Variants in PTPN3 observed in about 807,000 individuals in gnomAD.
PTPN3 encodes tyrosine-protein phosphatase non-receptor type 3.
PTPN3 carries 96 observed loss-of-function variants against 132.7 expected under a neutral mutation model. That is an observed-to-expected ratio of 0.72 (90% CI 0.61 to 0.86). The LOEUF (loss-of-function observed/expected upper bound fraction) is 0.86, where lower values mean the gene tolerates loss of function less well. PTPN3 is among the 40% of genes least tolerant of loss of function. PTPN3 has a pLI of 0.00. For synonymous variants in PTPN3, 398 were observed against 429.0 expected, an observed-to-expected ratio of 0.93 and a Z score of 0.89; for missense variants, 1,125 against 1,159.6, an observed-to-expected ratio of 0.97 and a Z score of 0.43.
chr9:109,391,878 G>GA (rs11370244), intron 19 of PTPN3, among the ~76,000 whole-genome samples: 2 of 99,444 alleles, frequency 2.0e-5, no homozygotes, highest in Admixed American at 1.1e-4. Flanking sequence ...TGTGGGGGGG[G>GA]GGGGGAAGAA....
intron 1 of PTPN3, among the ~76,000 whole-genome samples, chr9:109,486,360 A>T (rs1166590941): frequency 6.6e-6 from 1 of 152,184 alleles, no homozygotes. Flanking sequence ...AGCTATGTGA[A>T]GGAGGTACAG....
chr9:109,394,786 G>A (rs1226131654), intron 19 of PTPN3, among the ~76,000 whole-genome samples: 1 of 152,122 alleles, frequency 6.6e-6, no homozygotes, highest in Non-Finnish European at 1.5e-5. Context: ...TATCTGCAAT[G>A]AGCACTGGAA....
At chr9:109,417,253 C>T (rs779600526) in intron 14 of PTPN3, among the ~76,000 whole-genome samples, 81 of 152,354 alleles carry the variant, frequency 5.3e-4, no homozygotes, top group Non-Finnish European at 8.4e-4. Context: ...GTGACTCATC[C>T]GCTAAGATGG....
intron 12 of PTPN3, 27 bp downstream of exon 12, chr9:109,426,923 T>C: frequency 6.3e-7 from 1 of 1,581,818 alleles, no homozygotes; most frequent in African/African-American, 1.3e-5. Flanking sequence ...CAGCCTAGTG[T>C]GGACACAGTC....
At chr9:109,443,922 G>T (rs1844667904) in intron 7 of PTPN3, among the ~76,000 whole-genome samples, 1 of 152,166 alleles carries the variant, frequency 6.6e-6, no homozygotes, top group Non-Finnish European at 1.5e-5. Context: ...GTTCCATGCA[G>T]GTGGGTGGGT....
At position 109,467,438 on chromosome 9, in the gene PTPN3, G is replaced by T. The variant is rs143512947; in HGVS notation, c.-17-3987C>A. On this transcript the variant is annotated intron_variant, in intron 1 of 25. Coordinates refer to ENST00000374541, the MANE Select transcript of PTPN3 (RefSeq NM_002829.4). ...CACATTCCCTTTGGGAGCCCTCAAA[G>T]TAACAGCCAGGAAGACGAGGACTAA... Among the ~76,000 whole-genome samples the T allele has an allele frequency of 7.2e-5, 11 of 152,264 alleles. No individual in the cohort carries two copies. In the East Asian group the frequency reaches 2.1e-3, roughly 29 times the overall value.
At chr9:109,433,292 C>A in intron 9 of PTPN3, 131 bp from the exon 10 acceptor site, 1 of 1,378,520 alleles carries the variant, frequency 7.3e-7, no homozygotes, top group Non-Finnish European at 9.5e-7. Flanking sequence ...CTACTGAAAA[C>A]AGGCAAAAAG....
intron 6 of PTPN3, among the ~76,000 whole-genome samples, chr9:109,448,363 C>T (rs1318220261): frequency 1.3e-5 from 2 of 152,168 alleles, no homozygotes; most frequent in African/African-American, 4.8e-5. Flanking sequence ...TCCCTTCTAG[C>T]TACTGAGATG....
intron 12 of PTPN3, among the ~76,000 whole-genome samples, chr9:109,423,794 C>T (rs1843048980): frequency 6.6e-6 from 1 of 152,172 alleles, no homozygotes; most frequent in African/African-American, 2.4e-5. Context: ...AACTTTGGTT[C>T]TGGCATCTCT....
intron 14 of PTPN3, among the ~76,000 whole-genome samples, chr9:109,419,402 T>A (rs1452143763): frequency 6.6e-6 from 1 of 152,228 alleles, no homozygotes; most frequent in Non-Finnish European, 1.5e-5. Context: ...TGCTTGCTAA[T>A]CCTCAGCTGT....
At chr9:109,416,005 G>C (rs1355063973) in intron 14 of PTPN3, among the ~76,000 whole-genome samples, 2 of 152,212 alleles carry the variant, frequency 1.3e-5, no homozygotes, top group African/African-American at 2.4e-5. Flanking sequence ...TGTCCTCCGA[G>C]GGGGACATGT....
At chr9:109,379,899 CG>C (rs1838888255) in intron 25 of PTPN3, among the ~76,000 whole-genome samples, 2 of 152,228 alleles carry the variant, frequency 1.3e-5, no homozygotes, top group African/African-American at 4.8e-5. Context: ...AAAGTCCCTG[CG>C]GGACAGCCCT....
chr9:109,435,307 C>G (rs1229837942), intron 9 of PTPN3, among the ~76,000 whole-genome samples: 1 of 152,188 alleles, frequency 6.6e-6, no homozygotes, highest in Non-Finnish European at 1.5e-5. Context: ...AACTCGGTGA[C>G]TAGTTCTGGC....
At chr9:109,521,237 C>T in the PTPN3 span, among the ~76,000 whole-genome samples, 6 of 152,134 alleles carry the variant, frequency 3.9e-5, no homozygotes, top group African/African-American at 1.4e-4. Flanking sequence ...TGGCTCACTG[C>T]AACCTCCACC....
At chr9:109,532,585 A>T in the PTPN3 span, among the ~76,000 whole-genome samples, 60 of 113,446 alleles carry the variant, frequency 5.3e-4, no homozygotes, top group South Asian at 0.02. Flanking sequence ...AACAGGCTTT[A>T]AAAAAAAAAA....
chr9:109,477,831 C>T lies in PTPN3; in HGVS notation c.-17-14380G>A, dbSNP rs189486847. 6.6e-5 allele frequency among the ~76,000 whole-genome samples: 10 copies of T among 152,360 alleles called. No individual in the cohort carries two copies. In the East Asian group the frequency reaches 1.3e-3, roughly 21 times the overall value. On this transcript the variant is annotated intron_variant, in intron 1 of 25. Transcript: ENST00000374541. ...CCACTGCACCTGCCTCCAGGGATCT[C>T]GGAACTGCCAGGACTCCTTCCGGCC...
rs369488933 is a variant in PTPN3, at chr9:109,408,636, A to G, written c.1579-259T>C. ...AGAAGCCTCCCTCTGCCATCCCCACAGTCCATGAACTAACAGATACACTCA... is the reference window on the plus strand; with the variant it reads ...AGAAGCCTCCCTCTGCCATCCCCACGGTCCATGAACTAACAGATACACTCA... On this transcript the variant is annotated intron_variant, in intron 16 of 25. Transcript: ENST00000374541. 2.0e-4 allele frequency among the ~76,000 whole-genome samples: 30 copies of G among 152,080 alleles called. No individual in the cohort carries two copies. The East Asian group carries it at 5.8e-3, about 29-fold the overall frequency.
intron 12 of PTPN3, among the ~76,000 whole-genome samples, chr9:109,425,358 T>C (rs1843170794): frequency 6.6e-6 from 1 of 152,180 alleles, no homozygotes. Context: ...TCTCATTTAG[T>C]TAGTAATAGC....
At chr9:109,486,198 T>A (rs570944940) in intron 1 of PTPN3, among the ~76,000 whole-genome samples, 1 of 152,208 alleles carries the variant, frequency 6.6e-6, no homozygotes, top group Non-Finnish European at 1.5e-5. Context: ...CTGCTGAGTA[T>A]GTATTTGCAT....
Sources: allele counts gnomAD v4.1 joint callset (sites outside exome capture counted in the v4.1 genomes callset), GRCh38; gene constraint gnomAD v4.1.1; transcripts MANE v1.5; gene names NCBI Gene and HGNC (gene_info 2026-07-23, HGNC 2026-07-21).